The following SRF variants were observed in gnomAD, a reference collection of about 807,000 sequenced individuals.
The protein encoded by SRF is serum response factor, also known as c-fos serum response element-binding transcription factor.
Under a neutral mutation model 37.1 loss-of-function variants are expected in SRF, and 7 were observed. The observed-to-expected ratio is 0.19, with a 90% CI of 0.11 to 0.35. The LOEUF (loss-of-function observed/expected upper bound fraction) is 0.35, where lower values mean the gene tolerates loss of function less well. Among genes scored for constraint, SRF ranks in the 10% least tolerant of loss-of-function variants. The pLI is 1.00. For synonymous variants in SRF, 285 were observed against 310.1 expected (o/e 0.92, Z 0.85); for missense variants, 395 against 694.4 (o/e 0.57, Z 4.85).
rs1772142151 is a variant in SRF, at chr6:43,173,310, C to A, written c.514-537C>A. Among the ~76,000 whole-genome samples the A allele has an allele frequency of 6.6e-6, 1 of 152,088 alleles. No individual in the cohort carries two copies. The highest frequency in any genetic ancestry group is 2.4e-5 in the African/African-American group (1 of 41,402). On this transcript the variant is annotated intron_variant, in intron 1 of 6. Coordinates refer to ENST00000265354, the MANE Select transcript of SRF (RefSeq NM_003131.4). The surrounding 1 kb of genome is among the most constrained non-coding windows in gnomAD (Gnocchi z 4.2). ...TCTTCTCTCCTTCCATAACCTTCTT[C>A]CCAAGACAAAGGAGTAAGGGCAGTA... is the stretch of plus-strand genomic sequence containing the variant.
intron 4 of SRF, among the ~76,000 whole-genome samples, chr6:43,177,105 C>A (rs1404704221): frequency 1.3e-5 from 2 of 151,922 alleles, no homozygotes; most frequent in African/African-American, 2.4e-5. Flanking sequence ...ATTTTAAGTT[C>A]TTATTATTTA....
In SRF at chr6:43,178,896, T is replaced by C; in HGVS notation, c.1431+14T>C. 6.2e-7 allele frequency: 1 copy of C among 1,613,608 alleles called. No individual in the cohort carries two copies. Among genetic ancestry groups the C allele is most frequent in the Non-Finnish European group, 8.5e-7 (1 of 1,179,474 alleles). On this transcript the variant is annotated intron_variant, in intron 6 of 6. Coordinates refer to ENST00000265354, the MANE Select transcript of SRF (RefSeq NM_003131.4). This position sits in a 1 kb window ranked among gnomAD's most constrained non-coding sequence, Gnocchi z 4.3. ...CAGCTCCACCAGGTAGGTAGGGATATCTTTCACCCCATCCCAGATAGCCAC... is the reference window on the plus strand; with the variant it reads ...CAGCTCCACCAGGTAGGTAGGGATACCTTTCACCCCATCCCAGATAGCCAC...
chr6:43,177,961 AGATGTTAGAGCT>A (rs1468080849), intron 4 of SRF, among the ~76,000 whole-genome samples: 34 of 152,162 alleles, frequency 2.2e-4, no homozygotes, highest in African/African-American at 7.5e-4. Flanking sequence ...ATAAAAAATA[AGATGTTAGAGCT>A]CCTAAAAGGG....
rs1037587996 is a variant in SRF, at chr6:43,180,623, C to G, written c.*1433C>G. 6 of 152,702 alleles carry G rather than the reference C, an allele frequency of 3.9e-5. No individual in the cohort carries two copies. The highest frequency in any genetic ancestry group is 8.8e-5 in the Non-Finnish European group (6 of 68,104). The allele number at this position is 152,702 out of a possible 1,614,324, so 9.5% of individuals were successfully genotyped here. A position where few individuals can be genotyped will look rare whatever the true frequency, so the allele number is the denominator to read the frequency against. ...GGCCATGCCCCACCCCCCTCCTCCC[C>G]CTTTGGGGTAGACCTTGAGGGTGGG... is the stretch of plus-strand genomic sequence containing the variant. On this transcript the variant is annotated 3_prime_UTR_variant, in exon 7 of 7. Transcript: ENST00000265354.
rs539961381 is a variant in SRF at position 43,172,121 on chromosome 6, G to A, written c.465G>A (p.Leu155=). The change falls in exon 1 of 7, where the codon CTG becomes CTA. Residue 155 remains leucine, a synonymous_variant. Transcript: ENST00000265354. This position sits in a 1 kb window ranked among gnomAD's most constrained non-coding sequence, Gnocchi z 5.7. ...KIKMEFIDNK[L]RRYTTFSKRK... ...AGATGGAGTTCATCGACAACAAGCT[G>A]CGGCGCTACACGACCTTCAGCAAGA... 6.2e-7 allele frequency: 1 copy of A among 1,612,218 alleles called. No homozygotes were observed. Among genetic ancestry groups the A allele is most frequent in the Admixed American group, 1.7e-5 (1 of 60,018 alleles).
chr6:43,175,088 T>C (rs973231807), intron 2 of SRF, among the ~76,000 whole-genome samples: 1 of 152,236 alleles, frequency 6.6e-6, no homozygotes, highest in African/African-American at 2.4e-5. Flanking sequence ...AGTGTGTCAT[T>C]GCCAGATTCT....
In SRF at chr6:43,180,707, C is replaced by T. The variant is rs1378139725; in HGVS notation, c.*1517C>T. The T allele has an allele frequency of 6.6e-6, 1 of 152,522 alleles. No individual in the cohort carries two copies. The highest frequency in any genetic ancestry group is 2.4e-5 in the African/African-American group (1 of 41,408). 9.4% of individuals were successfully genotyped at this position (152,522 alleles called of 1,614,324 possible). A position where few individuals can be genotyped will look rare whatever the true frequency, so the allele number is the denominator to read the frequency against. ...CAGAGCCTACCTTCACCACCTATAT[C>T]CAGAAGGGGAGCTTTTTCAGAAACA... On this transcript the variant is annotated 3_prime_UTR_variant, in exon 7 of 7. Transcript: ENST00000265354.
rs954686708 is a variant in SRF, at chr6:43,178,991, A to G, written c.1432-104A>G. The G allele has an allele frequency of 2.6e-6, 4 of 1,568,602 alleles. No homozygotes were observed. The highest frequency in any genetic ancestry group is 2.7e-5 in the African/African-American group (2 of 73,914). ...GCCAAAATCCCTAGCCTGGAAGCCC[A>G]TCTGCTTTTCTGCTCAGGCCTGTGG... On this transcript the variant is annotated intron_variant, in intron 6 of 6. Transcript: ENST00000265354. The surrounding 1 kb of genome is among the most constrained non-coding windows in gnomAD (Gnocchi z 4.3).
chr6:43,175,597 A>G, intron 2 of SRF, 109 bp from the exon 3 acceptor site: 1 of 1,458,754 alleles, frequency 6.9e-7, no homozygotes, highest in Non-Finnish European at 9.5e-7. Flanking sequence ...TGGCGTTGGG[A>G]TTTGAACCCA....
At chr6:43,175,195 G>A (rs760397634) in intron 2 of SRF, among the ~76,000 whole-genome samples, 1 of 152,128 alleles carries the variant, frequency 6.6e-6, no homozygotes, top group Non-Finnish European at 1.5e-5. Flanking sequence ...GAAAGAAAAC[G>A]TAGTAGCCCA....
rs1192976077 is a variant in SRF at position 43,178,885 on chromosome 6, A to G, written c.1431+3A>G. On this transcript the variant is annotated splice_donor_region_variant and intron_variant, in intron 6 of 6. Coordinates refer to ENST00000265354, the MANE Select transcript of SRF (RefSeq NM_003131.4). The surrounding 1 kb of genome is among the most constrained non-coding windows in gnomAD (Gnocchi z 4.3). ...TTTCAGCAGTTCAGCTCCACCAGGT[A>G]GGTAGGGATATCTTTCACCCCATCC... 2 of 1,613,930 alleles carry G rather than the reference A, an allele frequency of 1.2e-6. No homozygotes were observed. The highest frequency in any genetic ancestry group is 1.7e-6 in the Non-Finnish European group (2 of 1,179,880).
At chr6:43,177,808 G>A (rs371921560) in intron 4 of SRF, among the ~76,000 whole-genome samples, 1 of 151,368 alleles carries the variant, frequency 6.6e-6, no homozygotes, top group African/African-American at 2.4e-5. Context: ...CCAGCTACTC[G>A]GGAGGCTGAG....
chr6:43,171,609 G>T lies in SRF; in HGVS notation c.-48G>T, dbSNP rs535118405. 9 of 1,185,630 alleles carry T rather than the reference G, an allele frequency of 7.6e-6. No individual in the cohort carries two copies. The East Asian group carries it at 2.9e-4, about 38-fold the overall frequency. 73.4% of individuals were successfully genotyped at this position (1,185,630 alleles called of 1,614,324 possible). ...GAAGCCGATGGCGGCGGCTGCGGCG[G>T]CTCCGATTCCTCGCTGACTGCCCGT... On this transcript the variant is annotated 5_prime_UTR_variant, in exon 1 of 7. Transcript: ENST00000265354. This position sits in a 1 kb window ranked among gnomAD's most constrained non-coding sequence, Gnocchi z 6.5.
At chr6:43,177,690 C>T (rs1220456555) in intron 4 of SRF, among the ~76,000 whole-genome samples, 2 of 150,942 alleles carry the variant, frequency 1.3e-5, no homozygotes, top group Admixed American at 6.6e-5. Flanking sequence ...CCGAGGGGGG[C>T]AGATCACGAG....
In SRF at chr6:43,172,209, G is replaced by C. The variant is rs747042101; in HGVS notation, c.513+40G>C. ...GGCTGGCCGGCCCCGGGGCCCGGTT[G>C]GGGTGGGGATGTGCAAAGGGAGCCC... is the stretch of plus-strand genomic sequence containing the variant. On this transcript the variant is annotated intron_variant, in intron 1 of 6. Coordinates refer to ENST00000265354, the MANE Select transcript of SRF (RefSeq NM_003131.4). This position sits in a 1 kb window ranked among gnomAD's most constrained non-coding sequence, Gnocchi z 5.7. 1 of 1,588,826 alleles carries C rather than the reference G, an allele frequency of 6.3e-7. No homozygotes were observed. Among genetic ancestry groups the C allele is most frequent in the Non-Finnish European group, 8.5e-7 (1 of 1,173,046 alleles).
At position 43,181,348 on chromosome 6, in the gene SRF, G is replaced by C. The variant is rs911423462; in HGVS notation, c.*2158G>C. The C allele has an allele frequency of 6.5e-6, 1 of 152,908 alleles. No homozygotes were observed. Among genetic ancestry groups the C allele is most frequent in the African/African-American group, 2.4e-5 (1 of 41,414 alleles). The allele number at this position is 152,908 out of a possible 1,614,324, so 9.5% of individuals were successfully genotyped here. A position where few individuals can be genotyped will look rare whatever the true frequency, so the allele number is the denominator to read the frequency against. ...TGTGTGGGTGTGTGCGCCTGAGTGAGTGTGTGTGCTTGAATGTGAGTGTGT... is the reference window on the plus strand; with the variant it reads ...TGTGTGGGTGTGTGCGCCTGAGTGACTGTGTGTGCTTGAATGTGAGTGTGT... On this transcript the variant is annotated 3_prime_UTR_variant, in exon 7 of 7. Transcript: ENST00000265354.
rs972173645 is a variant in SRF at position 43,176,345 on chromosome 6, G to A, written c.1043-203G>A. On this transcript the variant is annotated intron_variant, in intron 3 of 6. Coordinates refer to ENST00000265354, the MANE Select transcript of SRF (RefSeq NM_003131.4). The surrounding 1 kb of genome is among the most constrained non-coding windows in gnomAD (Gnocchi z 4.0). ...AAAAGAGAGACAAGGCCCAGGGCAG[G>A]AGGAGGAGGGATGGGCAAGAGTAGA... 6.6e-6 allele frequency among the ~76,000 whole-genome samples: 1 copy of A among 152,204 alleles called. No individual in the cohort carries two copies.
chr6:43,176,795 G>A lies in SRF; in HGVS notation c.1162+128G>A. 7.2e-7 allele frequency: 1 copy of A among 1,385,038 alleles called. No homozygotes were observed. The highest frequency in any genetic ancestry group is 9.8e-7 in the Non-Finnish European group (1 of 1,021,766). 85.8% of individuals were successfully genotyped at this position (1,385,038 alleles called of 1,614,324 possible). ...CTTAAAGTGGAGATTGAGGCTTTGG[G>A]CCTAATAATTATGGGGAAGTCAGGT... On this transcript the variant is annotated intron_variant, in intron 4 of 6. Transcript: ENST00000265354. The surrounding 1 kb of genome is among the most constrained non-coding windows in gnomAD (Gnocchi z 4.0).
At position 43,176,440 on chromosome 6, in the gene SRF, G is replaced by A; in HGVS notation, c.1043-108G>A. On this transcript the variant is annotated intron_variant, in intron 3 of 6. Coordinates refer to ENST00000265354, the MANE Select transcript of SRF (RefSeq NM_003131.4). The surrounding 1 kb of genome is among the most constrained non-coding windows in gnomAD (Gnocchi z 4.0). ...TTGGCTTCCAGGAAAGATAGTGATG[G>A]GAGTTGGAGACCAGTGTGCCAGACC... 2 of 1,511,956 alleles carry A rather than the reference G, an allele frequency of 1.3e-6. No individual in the cohort carries two copies. The highest frequency in any genetic ancestry group is 1.8e-6 in the Non-Finnish European group (2 of 1,112,100). 93.7% of individuals were successfully genotyped at this position (1,511,956 alleles called of 1,614,324 possible). A position where few individuals can be genotyped will look rare whatever the true frequency, so the allele number is the denominator to read the frequency against.
Sources: gnomAD v4.1 joint callset for allele counts (sites outside exome capture counted in the v4.1 genomes callset) on GRCh38, gnomAD v4.1.1 for gene constraint, Gnocchi (gnomAD v3.1) non-coding constraint, MANE v1.5 for transcripts, NCBI Gene and HGNC (gene_info 2026-07-23, HGNC 2026-07-21) for gene names.